ROBO1: variants seen among roughly 807,000 people sequenced by gnomAD.
The protein encoded by ROBO1 is roundabout homolog 1.
ROBO1 carries 149 observed loss-of-function variants against 195.9 expected under a neutral mutation model. That is an observed-to-expected ratio of 0.76 (90% CI 0.67 to 0.87). ROBO1 has a LOEUF of 0.87. Ranked by LOEUF, ROBO1 falls within the 40% of genes least tolerant of loss-of-function variation. The pLI is 0.00. For synonymous variants in ROBO1, 816 were observed against 733.2 expected (o/e 1.11, Z -1.82); for missense variants, 1,933 against 2,068.3 (o/e 0.93, Z 1.27).
intron 4 of ROBO1, among the ~76,000 whole-genome samples, chr3:78,796,634 A>C (rs1349574008): frequency 2.0e-5 from 3 of 152,036 alleles, no homozygotes; most frequent in Admixed American, 2.0e-4. Context: ...GTTCTCTACC[A>C]ATTTACTTTC....
intron 10 of ROBO1, among the ~76,000 whole-genome samples, chr3:78,671,538 C>T (rs975406932): frequency 6.6e-6 from 1 of 151,648 alleles, no homozygotes; most frequent in East Asian, 1.9e-4. Context: ...GCTGGAGTCA[C>T]ACTTCAATTT....
At chr3:78,729,717 G>A (rs186699426) in intron 5 of ROBO1, among the ~76,000 whole-genome samples, 4 of 152,272 alleles carry the variant, frequency 2.6e-5, no homozygotes, top group Non-Finnish European at 5.9e-5. Flanking sequence ...CCTATAAAAG[G>A]AGGCAATATA....
intron 2 of ROBO1, among the ~76,000 whole-genome samples, chr3:79,413,169 T>C (rs758202234): frequency 6.6e-6 from 1 of 151,968 alleles, no homozygotes; most frequent in Non-Finnish European, 1.5e-5. Flanking sequence ...ACCTGAGCTA[T>C]TTCTACACTT....
intron 1 of ROBO1, among the ~76,000 whole-genome samples, chr3:79,677,472 C>T (rs918539197): frequency 2.0e-5 from 3 of 151,954 alleles, no homozygotes; most frequent in African/African-American, 7.2e-5. Flanking sequence ...AGAGCTTGTG[C>T]AGGCAAACTC....
intron 3 of ROBO1, among the ~76,000 whole-genome samples, chr3:78,953,623 CA>C (rs2040899099): frequency 6.6e-6 from 1 of 151,860 alleles, no homozygotes; most frequent in African/African-American, 2.4e-5. Flanking sequence ...AAACTGGAAT[CA>C]AAGGAAGAAA....
At chr3:78,681,256 C>T (rs1035884672) in intron 10 of ROBO1, among the ~76,000 whole-genome samples, 1 of 151,876 alleles carries the variant, frequency 6.6e-6, no homozygotes, top group Non-Finnish European at 1.5e-5. Flanking sequence ...ATGGGTGCAG[C>T]ACAGCAGCAT....
rs553009990 is a variant in ROBO1, at chr3:79,004,591, G to A, written c.173-65664C>T. Among the ~76,000 whole-genome samples the A allele has an allele frequency of 7.4e-4, 113 of 152,182 alleles. 3 individuals carry two copies. In the South Asian group the frequency reaches 0.022, roughly 30 times the overall value. ...GTGAATGGGACAGCTAAGGTTTACC[G>A]GAAGATGAGACACCTGTATTGATTC... is the stretch of plus-strand genomic sequence containing the variant. On this transcript the variant is annotated intron_variant, in intron 3 of 30. Coordinates refer to ENST00000464233, the MANE Select transcript of ROBO1 (RefSeq NM_002941.4).
chr3:79,204,704 A>G (rs1320835773), intron 2 of ROBO1, among the ~76,000 whole-genome samples: 4 of 152,092 alleles, frequency 2.6e-5, no homozygotes, highest in African/African-American at 9.7e-5. Context: ...AACATTTGGC[A>G]TTGTCCAGCT....
chr3:78,615,878 G>A (rs540043230), intron 27 of ROBO1, among the ~76,000 whole-genome samples: 10 of 152,280 alleles, frequency 6.6e-5, no homozygotes, highest in South Asian at 6.2e-4. Context: ...GACAAGCACC[G>A]TCATTCCCTG....
intron 2 of ROBO1, among the ~76,000 whole-genome samples, chr3:79,341,169 A>T (rs999640231): frequency 1.3e-5 from 2 of 152,208 alleles, no homozygotes; most frequent in Non-Finnish European, 2.9e-5. Context: ...ATTGTACTGA[A>T]TGAACTAAGT....
chr3:79,595,321 G>A (rs1375120364), intron 1 of ROBO1, among the ~76,000 whole-genome samples: 2 of 151,834 alleles, frequency 1.3e-5, no homozygotes, highest in Non-Finnish European at 2.9e-5. Context: ...ATTAATTTAG[G>A]TTAATGCATA....
chr3:78,987,696 GC>G (rs2077142002), intron 3 of ROBO1, among the ~76,000 whole-genome samples: 1 of 151,998 alleles, frequency 6.6e-6, no homozygotes, highest in Admixed American at 6.6e-5. Context: ...GTATTTCATA[GC>G]AAAACAGGGT....
chr3:78,890,434 T>G (rs1439663392), intron 4 of ROBO1, among the ~76,000 whole-genome samples: 7 of 152,066 alleles, frequency 4.6e-5, no homozygotes, highest in African/African-American at 1.7e-4. Context: ...AAGAGGGCCA[T>G]CATCAAGAAT....
intron 2 of ROBO1, among the ~76,000 whole-genome samples, chr3:79,454,154 C>T (rs1224318540): frequency 8.0e-6 from 1 of 125,614 alleles, no homozygotes; most frequent in African/African-American, 2.8e-5. Flanking sequence ...TTCTCCAAAA[C>T]ATTACGCAGA....
intron 2 of ROBO1, among the ~76,000 whole-genome samples, chr3:79,473,066 G>C (rs1468680785): frequency 6.6e-6 from 1 of 152,172 alleles, no homozygotes. Context: ...ATATACCCAA[G>C]TCTAACCTCT....
intron 3 of ROBO1, among the ~76,000 whole-genome samples, chr3:79,003,524 C>T (rs1376474937): frequency 1.3e-5 from 2 of 152,026 alleles, no homozygotes; most frequent in Non-Finnish European, 2.9e-5. Context: ...TTACATATGT[C>T]AACTTATTTA....
At chr3:79,098,499 A>G (rs911048174) in intron 3 of ROBO1, among the ~76,000 whole-genome samples, 6 of 151,842 alleles carry the variant, frequency 4.0e-5, no homozygotes, top group Admixed American at 1.3e-4. Flanking sequence ...CTCAGTGTAG[A>G]TTATTTACCC....
rs537126172 is a variant in ROBO1 at position 79,758,710 on chromosome 3, G to A, written c.-51+9042C>T. On this transcript the variant is annotated intron_variant, in intron 1 of 30. Transcript: ENST00000464233. ...GGAAACAGAGTGGTGTGTTGAGGGA[G>A]GGTAAAGTGTACCTTGTATTGTAAG... is the stretch of plus-strand genomic sequence containing the variant. Among the ~76,000 whole-genome samples, 3 of 152,272 alleles carry A rather than the reference G, an allele frequency of 2.0e-5. 1 individual carries two copies. In the South Asian group the frequency reaches 6.2e-4, roughly 32 times the overall value.
chr3:79,133,936 C>G (rs1200173080), intron 2 of ROBO1, among the ~76,000 whole-genome samples: 2 of 151,976 alleles, frequency 1.3e-5, no homozygotes, highest in Admixed American at 6.6e-5. Flanking sequence ...TGTTGGAATA[C>G]CCTGCCGTGT....
Sources: gnomAD v4.1 joint callset for allele counts (sites outside exome capture counted in the v4.1 genomes callset) on GRCh38, gnomAD v4.1.1 for gene constraint, MANE v1.5 for transcripts, NCBI Gene and HGNC (gene_info 2026-07-23, HGNC 2026-07-21) for gene names.